ADGRG6: variants seen among roughly 807,000 people sequenced by gnomAD.
The protein encoded by ADGRG6 is G-protein coupled receptor 126.
A neutral mutation model predicts 142.4 loss-of-function variants in ADGRG6; 84 were observed. The observed-to-expected ratio is 0.59, with a 90% CI of 0.49 to 0.71. The LOEUF (loss-of-function observed/expected upper bound fraction) is 0.71. Among genes scored for constraint, ADGRG6 ranks in the 30% least tolerant of loss-of-function variants. The pLI is 0.00. For synonymous variants in ADGRG6, 521 were observed against 520.5 expected, an observed-to-expected ratio of 1.00 and a Z score of -0.01; for missense variants, 1,367 against 1,466.6, an observed-to-expected ratio of 0.93 and a Z score of 1.11.
chr6:142,391,604 G>A (rs1774902949), intron 7 of ADGRG6, among the ~76,000 whole-genome samples: 1 of 151,724 alleles, frequency 6.6e-6, no homozygotes. Flanking sequence ...TACAAAGTTG[G>A]TGAGAAAGGT....
At chr6:142,378,434 G>A (rs1322725959) in intron 4 of ADGRG6, among the ~76,000 whole-genome samples, 1 of 152,096 alleles carries the variant, frequency 6.6e-6, no homozygotes, top group African/African-American at 2.4e-5. Context: ...GAACTTTAAA[G>A]GCTTTTTAGT....
chr6:142,315,186 T>C (rs1777979466), intron 2 of ADGRG6, among the ~76,000 whole-genome samples: 1 of 152,138 alleles, frequency 6.6e-6, no homozygotes, highest in Admixed American at 6.5e-5. Flanking sequence ...ACATACCAAC[T>C]CTGAGACTTT....
At position 142,362,206 on chromosome 6, in the gene ADGRG6, T is replaced by C. The variant is rs1780758944; in HGVS notation, c.104-5363T>C. ...TCAAGGAAACTTCAGTTCAACATCT[T>C]GTTCATTTTCTAGCAATGTCAAGCT... On this transcript the variant is annotated intron_variant, in intron 2 of 24. Transcript: ENST00000367609. Among the ~76,000 whole-genome samples the C allele has an allele frequency of 3.3e-5, 5 of 152,232 alleles. No individual in the cohort carries two copies. The South Asian group carries it at 1.0e-3, about 31-fold the overall frequency.
At chr6:142,393,394 T>G (rs1289089926) in intron 8 of ADGRG6, among the ~76,000 whole-genome samples, 1 of 152,090 alleles carries the variant, frequency 6.6e-6, no homozygotes, top group Non-Finnish European at 1.5e-5. Context: ...ACATCGACAG[T>G]CTGTCTGATT....
intron 2 of ADGRG6, among the ~76,000 whole-genome samples, chr6:142,357,710 G>C (rs893099144): frequency 6.6e-6 from 1 of 152,120 alleles, no homozygotes; most frequent in Non-Finnish European, 1.5e-5. Flanking sequence ...TTATTGGGAA[G>C]GTAAGTTTGT....
intron 2 of ADGRG6, among the ~76,000 whole-genome samples, chr6:142,318,212 A>ATATATT (rs1778295940): frequency 2.3e-4 from 8 of 34,970 alleles, no homozygotes; most frequent in Admixed American, 4.9e-4. Context: ...ATATATATTT[A>ATATATT]TATATTATAT....
chr6:142,390,087 C>CT (rs1426205493), intron 6 of ADGRG6, among the ~76,000 whole-genome samples, 171 bp from the exon 7 acceptor site: 2 of 151,668 alleles, frequency 1.3e-5, no homozygotes, highest in African/African-American at 2.4e-5. Context: ...TATTTCAGAA[C>CT]TTTTTTTGCC....
intron 2 of ADGRG6, among the ~76,000 whole-genome samples, chr6:142,335,686 T>C (rs1025601415): frequency 6.6e-6 from 1 of 151,902 alleles, no homozygotes; most frequent in African/African-American, 2.4e-5. Context: ...GAAATTCCAA[T>C]AGGAAAACCA....
intron 22 of ADGRG6, among the ~76,000 whole-genome samples, chr6:142,432,837 C>G (rs1007992896): frequency 2.6e-5 from 4 of 152,100 alleles, no homozygotes; most frequent in Non-Finnish European, 1.5e-5. Flanking sequence ...CCTCAAAACA[C>G]CAGACACAAC....
intron 2 of ADGRG6, among the ~76,000 whole-genome samples, chr6:142,360,497 A>T (rs985486212): frequency 3.3e-5 from 5 of 152,166 alleles, no homozygotes; most frequent in Non-Finnish European, 7.3e-5. Flanking sequence ...CAGCAGGTAT[A>T]ATAAGAATTA....
At chr6:142,424,656 G>A (rs1349655475) in intron 22 of ADGRG6, among the ~76,000 whole-genome samples, 1 of 151,474 alleles carries the variant, frequency 6.6e-6, no homozygotes, top group East Asian at 1.9e-4. Flanking sequence ...TCTCTGCCCG[G>A]CTTTGGTATC....
intron 6 of ADGRG6, among the ~76,000 whole-genome samples, chr6:142,386,338 G>C (rs1230202975): frequency 6.6e-6 from 1 of 152,084 alleles, no homozygotes; most frequent in Non-Finnish European, 1.5e-5. Flanking sequence ...AGTTCCTACG[G>C]CATATTTCTG....
chr6:142,367,892 A>G lies in ADGRG6; in HGVS notation c.427A>G (p.Asn143Asp). Residue 143 changes from asparagine (N) to aspartate (D), a missense_variant, in exon 3 of 25, where the codon AAT becomes GAT. Physicochemically the swap from Asn to Asp is conservative, Grantham distance 23. Transcript: ENST00000367609. ...CTTTAGCATCCAGAAGAAAGGTTTC[A>G]ATGCCAGCTACATCAGAGGTATGTA... The part of the protein sequence containing the change: ...SDFSIQKKGF[N>D]ASYIRVAVSL... 1 of 1,604,774 alleles carries G rather than the reference A, an allele frequency of 6.2e-7. No homozygotes were observed.
intron 15 of ADGRG6, among the ~76,000 whole-genome samples, 166 bp from the exon 16 acceptor site, chr6:142,407,984 A>G (rs1443669056): frequency 1.3e-5 from 2 of 152,214 alleles, no homozygotes; most frequent in Non-Finnish European, 2.9e-5. Flanking sequence ...TAAGGGAAAT[A>G]GCAAACCTCC....
chr6:142,371,258 G>T (rs1029047503), intron 4 of ADGRG6, among the ~76,000 whole-genome samples: 1 of 151,060 alleles, frequency 6.6e-6, no homozygotes, highest in Non-Finnish European at 1.5e-5. Flanking sequence ...TACCTCCTGG[G>T]TTTAAGAAAT....
At chr6:142,327,629 T>G (rs890718086) in intron 2 of ADGRG6, among the ~76,000 whole-genome samples, 3 of 152,098 alleles carry the variant, frequency 2.0e-5, no homozygotes, top group Non-Finnish European at 2.9e-5. Flanking sequence ...TCTGCAAGAG[T>G]ATTATGTAAC....
chr6:142,407,139 A>G (rs1192529287), intron 15 of ADGRG6, among the ~76,000 whole-genome samples: 1 of 150,680 alleles, frequency 6.6e-6, no homozygotes, highest in Non-Finnish European at 1.5e-5. Flanking sequence ...GTTCAAGGCC[A>G]ATCAAGCCAA....
intron 10 of ADGRG6, among the ~76,000 whole-genome samples, chr6:142,398,466 G>C (rs1453358742): frequency 6.6e-6 from 1 of 152,072 alleles, no homozygotes; most frequent in Non-Finnish European, 1.5e-5. Context: ...CATGTTCCCT[G>C]TCTCTATTAG....
At chr6:142,333,738 A>C (rs1413501695) in intron 2 of ADGRG6, among the ~76,000 whole-genome samples, 1 of 152,158 alleles carries the variant, frequency 6.6e-6, no homozygotes, top group African/African-American at 2.4e-5. Flanking sequence ...AATAATACCT[A>C]CTTCACACTC....
Sources: allele counts gnomAD v4.1 joint callset (sites outside exome capture counted in the v4.1 genomes callset), GRCh38; gene constraint gnomAD v4.1.1; transcripts MANE v1.5; gene names NCBI Gene and HGNC (gene_info 2026-07-23, HGNC 2026-07-21).